FAM107B: variants seen among roughly 807,000 people sequenced by gnomAD.
The protein encoded by FAM107B is family with sequence similarity 107 member B.
Under a neutral mutation model 31.5 loss-of-function variants are expected in FAM107B, and 21 were observed. The ratio of observed to expected loss-of-function variants is 0.67; its 90% CI spans 0.47 to 0.96. The LOEUF is 0.96. Among genes scored for constraint, FAM107B ranks in the 40% least tolerant of loss-of-function variants. FAM107B has a pLI of 0.00. For synonymous variants in FAM107B, 157 were observed against 141.5 expected, an observed-to-expected ratio of 1.11 and a Z score of -0.78; for missense variants, 452 against 377.1, an observed-to-expected ratio of 1.20 and a Z score of -1.64.
At chr10:14,542,736 C>G (rs1266788076) in intron 2 of FAM107B, 1 of 152,186 alleles carries the variant, frequency 6.6e-6, no homozygotes, top group African/African-American at 2.4e-5. Context: ...GTACAGAGAA[C>G]CAAATACCCA....
At chr10:14,627,851 G>C (rs995924912) in intron 2 of FAM107B, among the ~76,000 whole-genome samples, 2 of 152,036 alleles carry the variant, frequency 1.3e-5, no homozygotes, top group African/African-American at 4.8e-5. Context: ...GGCACAAAGA[G>C]GGAGATCAGA....
chr10:14,609,792 T>C (rs970187195), intron 2 of FAM107B, among the ~76,000 whole-genome samples: 2 of 152,220 alleles, frequency 1.3e-5, no homozygotes. Flanking sequence ...CTTAGAATTC[T>C]ATGACAGATG....
At chr10:14,690,317 G>A (rs946291176) in intron 1 of FAM107B, among the ~76,000 whole-genome samples, 3 of 152,214 alleles carry the variant, frequency 2.0e-5, no homozygotes, top group African/African-American at 7.2e-5. Context: ...GAAAGGCTCT[G>A]CCTCTGTTTC....
chr10:14,705,222 G>T (rs1338997911), intron 1 of FAM107B, among the ~76,000 whole-genome samples: 2 of 152,056 alleles, frequency 1.3e-5, no homozygotes, highest in Non-Finnish European at 2.9e-5. Context: ...AATAAGCAGT[G>T]ATGAGAATGT....
rs1473108255 is a variant in FAM107B at position 14,621,457 on chromosome 10, T to G, written c.469+46177A>C. Among the ~76,000 whole-genome samples, 5 of 152,356 alleles carry G rather than the reference T, an allele frequency of 3.3e-5. No homozygotes were observed. The East Asian group carries it at 7.7e-4, about 23-fold the overall frequency. Reference sequence around the variant, plus strand: ...ATATTTCCTCCTGTGGTCCACTTTTTAAAACGTATATGAAATGGGACATTT... The same window carrying G: ...ATATTTCCTCCTGTGGTCCACTTTTGAAAACGTATATGAAATGGGACATTT... On this transcript the variant is annotated intron_variant, in intron 2 of 4. Transcript: ENST00000181796.
At chr10:14,594,508 AAAAAAAAAAC>A (rs1461770525) in intron 2 of FAM107B, among the ~76,000 whole-genome samples, 19 of 137,582 alleles carry the variant, frequency 1.4e-4, no homozygotes, top group East Asian at 2.6e-4. Context: ...TGCCAAAAAA[AAAAAAAAAAC>A]AAAAAAAAAC....
At chr10:14,741,039 C>G (rs1856425065) in intron 1 of FAM107B, among the ~76,000 whole-genome samples, 1 of 152,080 alleles carries the variant, frequency 6.6e-6, no homozygotes, top group Non-Finnish European at 1.5e-5. Context: ...TGAGAACAGT[C>G]AACAGGTGAC....
chr10:14,667,751 A>T, intron 1 of FAM107B, 60 bp from the exon 2 acceptor site: 1 of 1,561,340 alleles, frequency 6.4e-7, no homozygotes, highest in Non-Finnish European at 8.8e-7. Flanking sequence ...GCATTAATGT[A>T]AGGCAATACT....
chr10:14,562,033 G>A (rs534140125), intron 2 of FAM107B, among the ~76,000 whole-genome samples: 30 of 152,156 alleles, frequency 2.0e-4, no homozygotes, highest in Non-Finnish European at 4.4e-4. Context: ...CGATCCACCC[G>A]CCTTGGCCTC....
At chr10:14,764,740 A>C (rs2252188) in intron 1 of FAM107B, among the ~76,000 whole-genome samples, 2 of 152,148 alleles carry the variant, frequency 1.3e-5, no homozygotes, top group African/African-American at 4.8e-5. Flanking sequence ...ACCAGCCCCT[A>C]TGGTTCCTAG....
At chr10:14,681,442 GCT>G (rs1256419477) in intron 1 of FAM107B, among the ~76,000 whole-genome samples, 1 of 152,122 alleles carries the variant, frequency 6.6e-6, no homozygotes, top group Non-Finnish European at 1.5e-5. Flanking sequence ...GGCCACTTTT[GCT>G]CTGAGTCACA....
chr10:14,760,907 G>C (rs1194137251), intron 1 of FAM107B, among the ~76,000 whole-genome samples: 1 of 150,342 alleles, frequency 6.7e-6, no homozygotes, highest in Non-Finnish European at 1.5e-5. Flanking sequence ...AGCTACTCGA[G>C]AGACTGAGGC....
chr10:14,674,801 C>A (rs1219128679), intron 1 of FAM107B, among the ~76,000 whole-genome samples: 1 of 152,128 alleles, frequency 6.6e-6, no homozygotes, highest in Non-Finnish European at 1.5e-5. Flanking sequence ...GTGGTACAAT[C>A]TTTACCCACT....
At chr10:14,750,740 A>G (rs1221115581) in intron 1 of FAM107B, among the ~76,000 whole-genome samples, 2 of 152,186 alleles carry the variant, frequency 1.3e-5, no homozygotes, top group Non-Finnish European at 2.9e-5. Context: ...TGAGCCTAGG[A>G]GTTTGAGACC....
At chr10:14,720,907 C>T (rs1033776476) in intron 1 of FAM107B, among the ~76,000 whole-genome samples, 7 of 152,012 alleles carry the variant, frequency 4.6e-5, no homozygotes, top group Non-Finnish European at 7.4e-5. Flanking sequence ...AGGTTTGTTA[C>T]GTAGGTATAC....
intron 2 of FAM107B, among the ~76,000 whole-genome samples, chr10:14,533,558 G>C (rs965752049): frequency 3.3e-5 from 5 of 152,206 alleles, no homozygotes; most frequent in Non-Finnish European, 5.9e-5. Flanking sequence ...TTACCTGACT[G>C]ACTGGCCCTC....
At chr10:14,648,552 G>A (rs1172411375) in intron 2 of FAM107B, among the ~76,000 whole-genome samples, 3 of 152,210 alleles carry the variant, frequency 2.0e-5, no homozygotes, top group African/African-American at 4.8e-5. Context: ...AGCTTTTCCA[G>A]CAGACACCGA....
At chr10:14,748,998 T>C (rs1832777908) in intron 1 of FAM107B, among the ~76,000 whole-genome samples, 1 of 152,188 alleles carries the variant, frequency 6.6e-6, no homozygotes, top group African/African-American at 2.4e-5. Flanking sequence ...GATCTGATTA[T>C]ACCTTTGGGA....
intron 1 of FAM107B, among the ~76,000 whole-genome samples, chr10:14,748,906 G>A (rs760823081): frequency 3.9e-5 from 6 of 152,236 alleles, no homozygotes; most frequent in Non-Finnish European, 8.8e-5. Context: ...GCAACCCCCA[G>A]AGGGACCATG....
Sources: gnomAD v4.1 joint callset for allele counts (sites outside exome capture counted in the v4.1 genomes callset) on GRCh38, gnomAD v4.1.1 for gene constraint, MANE v1.5 for transcripts, NCBI Gene and HGNC (gene_info 2026-07-23, HGNC 2026-07-21) for gene names.